The following HSPA12B variants were observed in gnomAD, a reference collection of about 807,000 sequenced individuals.
The protein encoded by HSPA12B is heat shock protein family A (Hsp70) member 12B.
HSPA12B carries 54 observed loss-of-function variants against 69.3 expected under a neutral mutation model. The ratio of observed to expected loss-of-function variants is 0.78; its 90% CI spans 0.63 to 0.98. The LOEUF is 0.98. Ranked by LOEUF, HSPA12B falls within the 50% of genes least tolerant of loss-of-function variation. The pLI is 0.00. For synonymous variants in HSPA12B, 441 were observed against 436.5 expected (o/e 1.01, Z -0.13); for missense variants, 929 against 999.8 (o/e 0.93, Z 0.96).
At chr20:3,736,734 T>C (rs1437413962) in intron 1 of HSPA12B, among the ~76,000 whole-genome samples, 3 of 152,162 alleles carry the variant, frequency 2.0e-5, no homozygotes, top group Non-Finnish European at 4.4e-5. Flanking sequence ...GGAATCTTGT[T>C]AAAATAGGCC....
chr20:3,750,174 C>G lies in HSPA12B; in HGVS notation c.1248C>G (p.Asp416Glu). The change falls in exon 11 of 13, where the codon GAC becomes GAG. Residue 416 changes from aspartate to glutamate, a missense_variant. Asp to Glu is a conservative substitution (Grantham distance 45). This residue lies in a region of HSPA12B where 448 missense variants were observed against 448.1 expected (regional missense o/e 1.00). Coordinates refer to ENST00000254963, the MANE Select transcript of HSPA12B (RefSeq NM_052970.5). Reference sequence around the variant, plus strand: ...TCTCGCTGCCCTTCTCCTTCATTGACTTCTACCGCAAGCAGCGGGGCCACA... The same window carrying G: ...TCTCGCTGCCCTTCTCCTTCATTGAGTTCTACCGCAAGCAGCGGGGCCACA... The part of the protein sequence containing the change: ...LNISLPFSFI[D>E]FYRKQRGHNV... 1 of 1,610,378 alleles carries G rather than the reference C, an allele frequency of 6.2e-7. No homozygotes were observed. Among genetic ancestry groups the G allele is most frequent in the Non-Finnish European group, 8.5e-7 (1 of 1,178,240 alleles).
intron 4 of HSPA12B, among the ~76,000 whole-genome samples, chr20:3,742,776 C>T (rs1165311480): frequency 6.6e-6 from 1 of 151,364 alleles, no homozygotes; most frequent in East Asian, 1.9e-4. Context: ...TAGCTCATTG[C>T]AACCTCCACC....
In HSPA12B at chr20:3,752,310, T is replaced by C. The variant is rs1264663279; in HGVS notation, c.*144T>C. The C allele has an allele frequency of 8.8e-6, 7 of 799,350 alleles. No homozygotes were observed. Among genetic ancestry groups the C allele is most frequent in the Non-Finnish European group, 1.3e-5 (7 of 553,072 alleles). The allele number at this position is 799,350 out of a possible 1,614,324, so 49.5% of individuals were successfully genotyped here. ...CCCTCCAGCCCCGGGGGAGATAAGG[T>C]CATGGGAGAGTGGGTGGGGACACAC... On this transcript the variant is annotated 3_prime_UTR_variant, in exon 13 of 13. Transcript: ENST00000254963.
rs975768649 is a variant in HSPA12B at position 3,745,045 on chromosome 20, G to A, written c.410G>A (p.Trp137Ter). 6.2e-7 allele frequency: 1 copy of A among 1,613,958 alleles called. No individual in the cohort carries two copies. Among genetic ancestry groups the A allele is most frequent in the Non-Finnish European group, 8.5e-7 (1 of 1,180,032 alleles). ...HDLDPEEARD[W>*]LYFEKFKMKI... ...CTGGACCCCGAAGAGGCGCGGGACTGGCTCTACTTCGAGAAGTTCAAGATG... is the reference window on the plus strand; with the variant it reads ...CTGGACCCCGAAGAGGCGCGGGACTAGCTCTACTTCGAGAAGTTCAAGATG... Residue 137 changes from tryptophan (W) to a stop codon, truncating the protein, a stop_gained, in exon 5 of 13, where the codon TGG (tryptophan) becomes TAG (stop). Coordinates refer to ENST00000254963, the MANE Select transcript of HSPA12B (RefSeq NM_052970.5). LOFTEE classifies it high-confidence loss of function. This position sits in a 1 kb window ranked among gnomAD's most constrained non-coding sequence, Gnocchi z 5.6.
chr20:3,751,497 G>T lies in HSPA12B; in HGVS notation c.1406-14G>T. On this transcript the variant is annotated splice_polypyrimidine_tract_variant and intron_variant, in intron 12 of 12. Coordinates refer to ENST00000254963, the MANE Select transcript of HSPA12B (RefSeq NM_052970.5). ...CTGCCCCCTTCACCCGCGTCCCCCC[G>T]TCCTGTCCCGCAGAGGCCCTGCTGG... 1 of 1,400,534 alleles carries T rather than the reference G, an allele frequency of 7.1e-7. No individual in the cohort carries two copies. 86.8% of individuals were successfully genotyped at this position (1,400,534 alleles called of 1,614,324 possible). A position where few individuals can be genotyped will look rare whatever the true frequency, so the allele number is the denominator to read the frequency against.
At chr20:3,736,323 C>G (rs1037847277) in intron 1 of HSPA12B, among the ~76,000 whole-genome samples, 3 of 152,222 alleles carry the variant, frequency 2.0e-5, no homozygotes, top group African/African-American at 7.2e-5. Flanking sequence ...GATTCTGATT[C>G]CTGAGCATCC....
chr20:3,733,892 C>A (rs999235971), intron 1 of HSPA12B, among the ~76,000 whole-genome samples: 1 of 152,220 alleles, frequency 6.6e-6, no homozygotes, highest in South Asian at 2.1e-4. Flanking sequence ...TTTGTCTACA[C>A]AGGCATCGTG....
At chr20:3,736,237 C>T (rs189870741) in intron 1 of HSPA12B, among the ~76,000 whole-genome samples, 7 of 152,228 alleles carry the variant, frequency 4.6e-5, no homozygotes, top group African/African-American at 1.7e-4. Flanking sequence ...TCCCCTCCCC[C>T]TCTCTGTGCT....
At chr20:3,747,551 G>A (rs1232171988) in intron 7 of HSPA12B, among the ~76,000 whole-genome samples, 1 of 152,134 alleles carries the variant, frequency 6.6e-6, no homozygotes, top group Non-Finnish European at 1.5e-5. Context: ...AGAATCTGGG[G>A]AACCCTACAA....
chr20:3,733,180 G>A (rs2088056925), intron 1 of HSPA12B, among the ~76,000 whole-genome samples: 1 of 152,148 alleles, frequency 6.6e-6, no homozygotes, highest in African/African-American at 2.4e-5. Flanking sequence ...GTGTGTTGGG[G>A]GGTGCCTCAG....
chr20:3,740,962 A>G lies in HSPA12B; in HGVS notation c.141+50A>G. The G allele has an allele frequency of 6.6e-7, 1 of 1,516,358 alleles. No homozygotes were observed. Among genetic ancestry groups the G allele is most frequent in the Non-Finnish European group, 9.0e-7 (1 of 1,107,596 alleles). 93.9% of individuals were successfully genotyped at this position (1,516,358 alleles called of 1,614,324 possible). The stretch of plus-strand genomic sequence containing the variant: ...GGTGGGTGACCTGGCTGGTGTGGAC[A>G]GGGTCGTGCGTGGCAAAGTCATGAC... On this transcript the variant is annotated intron_variant, in intron 3 of 12. Coordinates refer to ENST00000254963, the MANE Select transcript of HSPA12B (RefSeq NM_052970.5). This position sits in a 1 kb window ranked among gnomAD's most constrained non-coding sequence, Gnocchi z 4.9.
rs1204314831 is a variant in HSPA12B at position 3,745,336 on chromosome 20, A to T, written c.454-157A>T. On this transcript the variant is annotated intron_variant, in intron 5 of 12. Transcript: ENST00000254963. The surrounding 1 kb of genome is among the most constrained non-coding windows in gnomAD (Gnocchi z 5.6). The stretch of plus-strand genomic sequence containing the variant: ...TTGCAGGAGGGGTGGGGCTAAGGAG[A>T]GGGGTCGGGGCAGAGCTAATGTCAC... Among the ~76,000 whole-genome samples the T allele has an allele frequency of 4.9e-5, 4 of 82,042 alleles. No homozygotes were observed. The East Asian group carries it at 9.3e-4, about 19-fold the overall frequency. The allele number at this position is 82,042 out of a possible 152,430, so 53.8% of individuals were successfully genotyped here.
chr20:3,738,031 G>T (rs2146556520), intron 1 of HSPA12B, among the ~76,000 whole-genome samples: 1 of 152,166 alleles, frequency 6.6e-6, no homozygotes, highest in East Asian at 1.9e-4. Context: ...ATTGAGTCAT[G>T]CCCCCACCCC....
At position 3,745,551 on chromosome 20, in the gene HSPA12B, A is replaced by T. The variant is rs1194375274; in HGVS notation, c.512A>T (p.Glu171Val). 6.2e-7 allele frequency: 1 copy of T among 1,613,994 alleles called. No individual in the cohort carries two copies. The highest frequency in any genetic ancestry group is 8.5e-7 in the Non-Finnish European group (1 of 1,180,016). ...AVNGKTMPAL[E>V]VFAHALRFFR... ...AATGGAAAGACGATGCCCGCCCTGGAGGTGTTCGCCCATGCCCTGCGCTTC... is the reference window on the plus strand; with the variant it reads ...AATGGAAAGACGATGCCCGCCCTGGTGGTGTTCGCCCATGCCCTGCGCTTC... The change falls in exon 6 of 13, where the codon GAG (glutamate) becomes GTG (valine). Residue 171 changes from glutamate to valine, a missense_variant. Transcript: ENST00000254963. The surrounding 1 kb of genome is among the most constrained non-coding windows in gnomAD (Gnocchi z 5.6).
chr20:3,738,621 A>G (rs2088144068), intron 1 of HSPA12B, 37 bp from the exon 2 acceptor site: 1 of 1,592,856 alleles, frequency 6.3e-7, no homozygotes, highest in Admixed American at 1.7e-5. Context: ...CAAAGGGACA[A>G]ATAAATCCCA....
At chr20:3,738,617 G>A in intron 1 of HSPA12B, 41 bp from the exon 2 acceptor site, 4 of 1,578,344 alleles carry the variant, frequency 2.5e-6, no homozygotes, top group Non-Finnish European at 3.5e-6. Flanking sequence ...GGAACAAAGG[G>A]ACAAATAAAT....
chr20:3,749,674 TG>T lies in HSPA12B; in HGVS notation c.938-73del. 1 of 1,109,188 alleles carries T rather than the reference TG, an allele frequency of 9.0e-7. No individual in the cohort carries two copies. The highest frequency in any genetic ancestry group is 1.3e-6 in the Non-Finnish European group (1 of 780,934). 68.7% of individuals were successfully genotyped at this position (1,109,188 alleles called of 1,614,324 possible). Reference sequence around the variant, plus strand: ...TGGGACCCGGGGCAGGGCTGGAGGCTGGGCGAGGCTGGAGGGGGCGCAGGGC... The same window carrying T: ...TGGGACCCGGGGCAGGGCTGGAGGCTGGCGAGGCTGGAGGGGGCGCAGGGC... On this transcript the variant is annotated intron_variant, in intron 9 of 12. Transcript: ENST00000254963. The surrounding 1 kb of genome is among the most constrained non-coding windows in gnomAD (Gnocchi z 5.5).
In HSPA12B at chr20:3,750,934, C is replaced by T. The variant is rs879062348; in HGVS notation, c.1405+27C>T. On this transcript the variant is annotated intron_variant, in intron 12 of 12. Transcript: ENST00000254963. ...TGAGCACCTGAGCTTGGTCCCCCACCCGCCCCTACATGAACAAACAGATGC... is the reference window on the plus strand; with the variant it reads ...TGAGCACCTGAGCTTGGTCCCCCACTCGCCCCTACATGAACAAACAGATGC... 8 of 1,588,196 alleles carry T rather than the reference C, an allele frequency of 5.0e-6. No individual in the cohort carries two copies. In the East Asian group the frequency reaches 6.7e-5, roughly 13 times the overall value.
At chr20:3,739,091 C>A (rs952453411) in intron 2 of HSPA12B, among the ~76,000 whole-genome samples, 3 of 152,168 alleles carry the variant, frequency 2.0e-5, no homozygotes, top group Non-Finnish European at 4.4e-5. Context: ...GTCCACAGGA[C>A]CCTGTGTGAG....
Sources: gnomAD v4.1 joint callset for allele counts (sites outside exome capture counted in the v4.1 genomes callset) on GRCh38, gnomAD v4.1.1 for gene constraint, gnomAD v4.1.1 regional missense constraint, Gnocchi (gnomAD v3.1) non-coding constraint, MANE v1.5 for transcripts, NCBI Gene and HGNC (gene_info 2026-07-23, HGNC 2026-07-21) for gene names.